FBXO40: variants seen among roughly 807,000 people sequenced by gnomAD.
The protein encoded by FBXO40 is F-box protein 40, also known as F-box only protein 40.
A neutral mutation model predicts 49.9 loss-of-function variants in FBXO40; 50 were observed. That is an observed-to-expected ratio of 1.00 (90% CI 0.80 to 1.27). The LOEUF is 1.27. FBXO40 is among the 50% of genes most tolerant of loss of function. The pLI is 0.00. For synonymous variants in FBXO40, 340 were observed against 320.2 expected (o/e 1.06, Z -0.66); for missense variants, 895 against 870.1 (o/e 1.03, Z -0.36).
intron 1 of FBXO40, among the ~76,000 whole-genome samples, chr3:121,605,821 G>A (rs559020532): frequency 6.6e-6 from 1 of 152,210 alleles, no homozygotes; most frequent in Non-Finnish European, 1.5e-5. Context: ...GTCCCTCTAA[G>A]TATGTCTGTA....
At chr3:121,603,965 G>A (rs2048917725) in intron 1 of FBXO40, among the ~76,000 whole-genome samples, 1 of 152,214 alleles carries the variant, frequency 6.6e-6, no homozygotes, top group Non-Finnish European at 1.5e-5. Flanking sequence ...TGATCTGCCT[G>A]TCTCAGCCTC....
rs140885171 is a variant in FBXO40, at chr3:121,621,563, C to T, written c.134C>T (p.Thr45Ile). The T allele has an allele frequency of 2.5e-6, 4 of 1,614,242 alleles. No homozygotes were observed. Among genetic ancestry groups the T allele is most frequent in the South Asian group, 2.2e-5 (2 of 91,088 alleles). ...AGCTGCCACCTGCTCTGTGGTGCCA[C>T]CTTCCACATGTGCAAAGAGGCAGAG... is the stretch of plus-strand genomic sequence containing the variant. ...VISCHLLCGA[T>I]FHMCKEAEHQ... The change falls in exon 3 of 4, where the codon ACC (threonine) becomes ATC (isoleucine). Residue 45 changes from threonine to isoleucine, a missense_variant. Transcript: ENST00000338040.
chr3:121,620,692 C>A, intron 2 of FBXO40, 114 bp downstream of exon 2: 1 of 1,334,562 alleles, frequency 7.5e-7, no homozygotes, highest in Non-Finnish European at 1.1e-6. Flanking sequence ...TGATATTTAT[C>A]AACTTTTTTC....
Position 121,622,108 on chromosome 3 carries a change from G to A in FBXO40, c.679G>A (p.Ala227Thr), listed in dbSNP as rs148776238. 0.015 allele frequency: 23,863 copies of A among 1,614,182 alleles called. 231 individuals carry two copies. Among genetic ancestry groups the A allele is most frequent in the Non-Finnish European group, 0.016 (19,167 of 1,180,038 alleles). The change falls in exon 3 of 4, where the codon GCA (alanine) becomes ACA (threonine). Residue 227 changes from alanine to threonine, a missense_variant. Physicochemically the swap from Ala to Thr is moderately conservative, Grantham distance 58 (BLOSUM62 0). Coordinates refer to ENST00000338040, the MANE Select transcript of FBXO40 (RefSeq NM_016298.4). ...QWENIFSKEHAASALTNSSAS... is the reference protein window; with the variant it reads ...QWENIFSKEHTASALTNSSAS... ...GGAAAATATTTTCAGCAAAGAGCACGCAGCCTCTGCTTTAACAAATTCATC... is the reference window on the plus strand; with the variant it reads ...GGAAAATATTTTCAGCAAAGAGCACACAGCCTCTGCTTTAACAAATTCATC...
chr3:121,621,718 A>T lies in FBXO40; in HGVS notation c.289A>T (p.Met97Leu). 6.2e-7 allele frequency: 1 copy of T among 1,614,220 alleles called. No individual in the cohort carries two copies. The highest frequency in any genetic ancestry group is 8.5e-7 in the Non-Finnish European group (1 of 1,180,018). The change falls in exon 3 of 4, where the codon ATG becomes TTG. Residue 97 changes from methionine to leucine, a missense_variant. Physicochemically the swap from Met to Leu is conservative, Grantham distance 15. Transcript: ENST00000338040. ...CCCCGCCAGCGTGGTCTGCTGCTCC[A>T]TGGAGTGGAACCGCTGGCCAAATGT... The part of the protein sequence containing the change: ...VCPASVVCCS[M>L]EWNRWPNVDS...
Position 121,627,166 on chromosome 3 carries a change from A to G in FBXO40, c.*256A>G, listed in dbSNP as rs952388725. ...TTTCTTTTCTTTTTTCTTTCTTTCTAAAATAGATTGGTCTGAGAAGAAAAT... is the reference window on the plus strand; with the variant it reads ...TTTCTTTTCTTTTTTCTTTCTTTCTGAAATAGATTGGTCTGAGAAGAAAAT... On this transcript the variant is annotated 3_prime_UTR_variant, in exon 4 of 4. Transcript: ENST00000338040. 4.3e-6 allele frequency: 2 copies of G among 467,248 alleles called. No individual in the cohort carries two copies. Among genetic ancestry groups the G allele is most frequent in the Non-Finnish European group, 7.7e-6 (2 of 258,178 alleles). 28.9% of individuals were successfully genotyped at this position (467,248 alleles called of 1,614,324 possible).
At chr3:121,602,369 A>C (rs1447113869) in intron 1 of FBXO40, among the ~76,000 whole-genome samples, 1 of 152,160 alleles carries the variant, frequency 6.6e-6, no homozygotes, top group African/African-American at 2.4e-5. Flanking sequence ...AGCAACTTGT[A>C]TTAAACTTTC....
At chr3:121,616,620 C>T (rs2048998801) in intron 1 of FBXO40, among the ~76,000 whole-genome samples, 1 of 152,158 alleles carries the variant, frequency 6.6e-6, no homozygotes, top group Non-Finnish European at 1.5e-5. Context: ...CTCTAATGAA[C>T]AATAGTGTTT....
chr3:121,606,639 G>A (rs2048933297), intron 1 of FBXO40, among the ~76,000 whole-genome samples: 1 of 152,212 alleles, frequency 6.6e-6, no homozygotes, highest in Non-Finnish European at 1.5e-5. Flanking sequence ...TCTATTAGGA[G>A]ATTTGCAGTT....
chr3:121,614,441 C>CAAA (rs536949533), intron 1 of FBXO40, among the ~76,000 whole-genome samples: 2 of 139,800 alleles, frequency 1.4e-5, no homozygotes, highest in African/African-American at 5.3e-5. Context: ...GACTCTGTCT[C>CAAA]AAAAAAAAAA....
intron 1 of FBXO40, among the ~76,000 whole-genome samples, chr3:121,619,866 T>C (rs138010820): frequency 1.1e-3 from 169 of 152,310 alleles, no homozygotes; most frequent in African/African-American, 3.8e-3. Flanking sequence ...CCCCACTGTC[T>C]CTGGAAAAAC....
At chr3:121,605,456 G>C (rs1279704574) in intron 1 of FBXO40, among the ~76,000 whole-genome samples, 1 of 152,176 alleles carries the variant, frequency 6.6e-6, no homozygotes, top group African/African-American at 2.4e-5. Context: ...GCATTGTCTT[G>C]CAGGAATCCA....
At chr3:121,618,496 C>G (rs1024447269) in intron 1 of FBXO40, among the ~76,000 whole-genome samples, 15 of 149,350 alleles carry the variant, frequency 1.0e-4, no homozygotes, top group Middle Eastern at 3.2e-3. Context: ...AAACAATTCT[C>G]CTGCCTCAGC....
intron 1 of FBXO40, among the ~76,000 whole-genome samples, chr3:121,601,148 C>G (rs1246335337): frequency 6.6e-6 from 1 of 152,206 alleles, no homozygotes; most frequent in African/African-American, 2.4e-5. Flanking sequence ...ATCACACTTA[C>G]CCAGCCATGA....
intron 1 of FBXO40, among the ~76,000 whole-genome samples, chr3:121,609,827 C>T (rs183231347): frequency 1.3e-5 from 2 of 152,338 alleles, no homozygotes; most frequent in African/African-American, 4.8e-5. Flanking sequence ...CCCATCAATG[C>T]CTGTACAGCT....
rs377409069 is a variant in FBXO40 at position 121,621,786 on chromosome 3, C to A, written c.357C>A (p.Thr119=). 3.1e-6 allele frequency: 5 copies of A among 1,614,010 alleles called. No individual in the cohort carries two copies. The highest frequency in any genetic ancestry group is 4.2e-6 in the Non-Finnish European group (5 of 1,180,016). Residue 119 remains threonine (T), a synonymous_variant, in exon 3 of 4, where the codon ACC becomes ACA. Transcript: ENST00000338040. ...TTCATGAAAACATCATGAAAGAGAC[C>A]CCCAGTGAGGAGTGTTTGGACACAG... ...TTLHENIMKE[T]PSEECLDTAL...
chr3:121,598,741 C>T (rs946821600), intron 1 of FBXO40, among the ~76,000 whole-genome samples: 18 of 152,186 alleles, frequency 1.2e-4, no homozygotes, highest in African/African-American at 4.1e-4. Context: ...CAAGGCCTTC[C>T]CACCTAATTG....
rs555162944 is a variant in FBXO40 at position 121,607,300 on chromosome 3, C to CTTTTTTTT, written c.-30-13228_-30-13221dup. 5.8e-3 allele frequency among the ~76,000 whole-genome samples: 346 copies of CTTTTTTTT among 60,130 alleles called. 25 individuals are homozygous for CTTTTTTTT. The highest frequency in any genetic ancestry group is 9.2e-3 in the South Asian group (9 of 980). The allele number at this position is 60,130 out of a possible 152,430, so 39.4% of individuals were successfully genotyped here. On this transcript the variant is annotated intron_variant, in intron 1 of 3. Transcript: ENST00000338040. ...AAAAAATTGAGAGACCTCTAAAGCT[C>CTTTTTTTT]TTTTTTTTTTTTTTTTTTTTTTTTT...
At chr3:121,613,523 C>T (rs1416913601) in intron 1 of FBXO40, among the ~76,000 whole-genome samples, 1 of 152,002 alleles carries the variant, frequency 6.6e-6, no homozygotes, top group Non-Finnish European at 1.5e-5. Context: ...CGTGACCAGC[C>T]AATAAAAGAT....
Sources: gnomAD v4.1 joint callset for allele counts (sites outside exome capture counted in the v4.1 genomes callset) on GRCh38, gnomAD v4.1.1 for gene constraint, MANE v1.5 for transcripts, NCBI Gene and HGNC (gene_info 2026-07-23, HGNC 2026-07-21) for gene names.